SLC24A4: variants seen among roughly 807,000 people sequenced by gnomAD.
SLC24A4 encodes sodium/potassium/calcium exchanger 4.
Under a neutral mutation model 79.0 loss-of-function variants are expected in SLC24A4, and 53 were observed. That is an observed-to-expected ratio of 0.67 (90% CI 0.54 to 0.84). The LOEUF (loss-of-function observed/expected upper bound fraction) is 0.84, where lower values mean the gene tolerates loss of function less well. Ranked by LOEUF, SLC24A4 falls within the 40% of genes least tolerant of loss-of-function variation. The probability of loss-of-function intolerance (pLI) is 0.00; values close to 1 mark genes in which losing one functional copy is unlikely to be tolerated. For synonymous variants in SLC24A4, 323 were observed against 323.8 expected (o/e 1.00, Z 0.03); for missense variants, 731 against 822.0 (o/e 0.89, Z 1.35).
chr14:92,448,245 A>G (rs1892913635), intron 9 of SLC24A4, among the ~76,000 whole-genome samples: 1 of 152,160 alleles, frequency 6.6e-6, no homozygotes, highest in African/African-American at 2.4e-5. Flanking sequence ...TGATGGTTGT[A>G]GAACAATGTG....
chr14:92,466,277 T>C (rs1408031067), intron 12 of SLC24A4, among the ~76,000 whole-genome samples: 2 of 152,260 alleles, frequency 1.3e-5, no homozygotes, highest in African/African-American at 4.8e-5. Context: ...ATTAGAGTGC[T>C]GACTCTGCAC....
chr14:92,427,804 A>G (rs12589284), intron 2 of SLC24A4, among the ~76,000 whole-genome samples: 16,819 of 152,316 alleles, frequency 0.11, 986 homozygotes, highest in African/African-American at 0.15. Flanking sequence ...CCAGCATTAC[A>G]TAGAAACCTA....
chr14:92,459,244 C>G (rs1445880946), intron 12 of SLC24A4, among the ~76,000 whole-genome samples: 1 of 152,176 alleles, frequency 6.6e-6, no homozygotes, highest in East Asian at 1.9e-4. Flanking sequence ...CAGGGAGGAC[C>G]CCGGACCAGC....
At chr14:92,355,815 G>A (rs72693192) in intron 2 of SLC24A4, among the ~76,000 whole-genome samples, 33 of 152,184 alleles carry the variant, frequency 2.2e-4, no homozygotes, top group African/African-American at 7.2e-4. Context: ...TACCCTGAGC[G>A]TGGTAGCTCG....
At chr14:92,422,326 C>T (rs1315205684) in intron 2 of SLC24A4, among the ~76,000 whole-genome samples, 1 of 152,244 alleles carries the variant, frequency 6.6e-6, no homozygotes, top group Admixed American at 6.5e-5. Flanking sequence ...ATATGACTTT[C>T]ACCCTGATAT....
intron 2 of SLC24A4, among the ~76,000 whole-genome samples, chr14:92,345,427 G>GTAGT (rs1245258491): frequency 6.6e-6 from 1 of 152,218 alleles, no homozygotes; most frequent in African/African-American, 2.4e-5. Context: ...CAGGCCAGGT[G>GTAGT]TAGTGGCTCA....
chr14:92,412,924 T>G (rs1162730788), intron 2 of SLC24A4, among the ~76,000 whole-genome samples: 4 of 152,246 alleles, frequency 2.6e-5, no homozygotes, highest in Non-Finnish European at 5.9e-5. Context: ...AAAGGAATAC[T>G]ATTTTATGAC....
At chr14:92,388,737 C>T (rs1311766749) in intron 2 of SLC24A4, among the ~76,000 whole-genome samples, 1 of 152,198 alleles carries the variant, frequency 6.6e-6, no homozygotes, top group African/African-American at 2.4e-5. Context: ...AGTTCTAGGT[C>T]ATGACCGCAG....
chr14:92,445,446 T>G (rs1892747442), intron 8 of SLC24A4, 104 bp downstream of exon 8: 1 of 1,219,500 alleles, frequency 8.2e-7, no homozygotes, highest in Non-Finnish European at 1.2e-6. Context: ...TTTTATAAAC[T>G]TAAGCTTATT....
At chr14:92,343,697 C>A (rs944551595) in intron 2 of SLC24A4, among the ~76,000 whole-genome samples, 10 of 138,486 alleles carry the variant, frequency 7.2e-5, no homozygotes, top group African/African-American at 2.7e-4. Context: ...TCCTTCCTTC[C>A]TTCCTTTCTT....
chr14:92,469,193 T>C (rs868644090), intron 12 of SLC24A4, among the ~76,000 whole-genome samples: 4 of 152,112 alleles, frequency 2.6e-5, no homozygotes, highest in Admixed American at 6.5e-5. Context: ...GGAGCCCTCA[T>C]ACATTGCTGG....
intron 12 of SLC24A4, among the ~76,000 whole-genome samples, chr14:92,474,672 T>C (rs1325444954): frequency 8.9e-6 from 1 of 112,292 alleles, no homozygotes; most frequent in African/African-American, 3.1e-5. Flanking sequence ...TGTGTGTATA[T>C]ATATATATAC....
intron 4 of SLC24A4, among the ~76,000 whole-genome samples, chr14:92,440,192 C>A (rs138324739): frequency 1.2e-3 from 185 of 152,274 alleles, no homozygotes; most frequent in African/African-American, 4.1e-3. Context: ...TTGGGACTGG[C>A]TGCTTTGGAC....
At chr14:92,419,692 T>C (rs1891174514) in intron 2 of SLC24A4, among the ~76,000 whole-genome samples, 1 of 152,180 alleles carries the variant, frequency 6.6e-6, no homozygotes, top group African/African-American at 2.4e-5. Context: ...AACCAGAGGA[T>C]ATAAAAGATC....
intron 2 of SLC24A4, among the ~76,000 whole-genome samples, chr14:92,354,335 T>G (rs991575228): frequency 2.0e-5 from 3 of 152,014 alleles, no homozygotes; most frequent in Non-Finnish European, 2.9e-5. Flanking sequence ...GTATTTTCAG[T>G]AGAGACGGGG....
At chr14:92,395,350 T>G (rs1207551366) in intron 2 of SLC24A4, among the ~76,000 whole-genome samples, 1 of 151,938 alleles carries the variant, frequency 6.6e-6, no homozygotes, top group East Asian at 1.9e-4. Context: ...GCAGCCATTC[T>G]CAGAGCAGTG....
At chr14:92,388,108 G>A (rs1311390282) in intron 2 of SLC24A4, among the ~76,000 whole-genome samples, 1 of 149,396 alleles carries the variant, frequency 6.7e-6, no homozygotes, top group African/African-American at 2.5e-5. Flanking sequence ...TTAATTTTTT[G>A]TGGAACCTCC....
intron 2 of SLC24A4, among the ~76,000 whole-genome samples, chr14:92,357,899 T>C (rs765751843): frequency 4.7e-4 from 72 of 152,350 alleles, no homozygotes; most frequent in Admixed American, 4.6e-4. Context: ...TTCAAAATTG[T>C]GACAAGTGAA....
rs10135799 is a variant in SLC24A4 at position 92,323,204 on chromosome 14, T to G, written c.-627T>G. 0.82 allele frequency: 123,555 copies of G among 151,492 alleles called. 52,183 individuals are homozygous for G. The highest frequency in any genetic ancestry group is 0.95 in the East Asian group (4,790 of 5,018). 9.4% of individuals were successfully genotyped at this position (151,492 alleles called of 1,614,324 possible). On this transcript the variant is annotated 5_prime_UTR_variant, in exon 1 of 17. Coordinates refer to ENST00000532405, the MANE Select transcript of SLC24A4 (RefSeq NM_153646.4). This position sits in a 1 kb window ranked among gnomAD's most constrained non-coding sequence, Gnocchi z 4.9. ...GCAGCCGAGAAGCCAGAGAGAAAGT[T>G]CCCGGGGAGAGCTCGCCCCTGGGAG... is the stretch of plus-strand genomic sequence containing the variant.
Sources: allele counts gnomAD v4.1 joint callset (sites outside exome capture counted in the v4.1 genomes callset), GRCh38; gene constraint gnomAD v4.1.1; non-coding constraint Gnocchi (gnomAD v3.1); transcripts MANE v1.5; gene names NCBI Gene and HGNC (gene_info 2026-07-23, HGNC 2026-07-21).